The following RHEB variants were observed in gnomAD, a reference collection of about 807,000 sequenced individuals.
The protein encoded by RHEB is Ras homolog, mTORC1 binding.
RHEB carries 2 observed loss-of-function variants against 28.8 expected under a neutral mutation model. The ratio of observed to expected loss-of-function variants is 0.07; its 90% CI spans 0.03 to 0.22. The LOEUF (loss-of-function observed/expected upper bound fraction) is 0.22, where lower values mean the gene tolerates loss of function less well. Among genes scored for constraint, RHEB ranks in the 10% least tolerant of loss-of-function variants. RHEB has a pLI of 1.00. For missense variants in RHEB, 76 were observed against 219.9 expected (o/e 0.35, Z 4.14); for synonymous variants, 69 against 77.3 (o/e 0.89, Z 0.56).
intron 1 of RHEB, among the ~76,000 whole-genome samples, chr7:151,493,614 T>C (rs900297016): frequency 6.6e-6 from 1 of 152,222 alleles, no homozygotes; most frequent in African/African-American, 2.4e-5. Flanking sequence ...AAGATCTCAA[T>C]TTTATACAAA....
chr7:151,473,084 G>C (rs1307826430), intron 4 of RHEB, among the ~76,000 whole-genome samples: 1 of 152,252 alleles, frequency 6.6e-6, no homozygotes, highest in Non-Finnish European at 1.5e-5. Context: ...TGGCCACACT[G>C]TGTGTCATCT....
intron 7 of RHEB, among the ~76,000 whole-genome samples, chr7:151,467,729 C>T (rs1802091539): frequency 1.3e-5 from 2 of 152,150 alleles, no homozygotes; most frequent in African/African-American, 4.8e-5. Flanking sequence ...TCATTTCAAT[C>T]CACAAACTGC....
At chr7:151,494,393 G>T (rs1397100311) in intron 1 of RHEB, among the ~76,000 whole-genome samples, 1 of 152,188 alleles carries the variant, frequency 6.6e-6, no homozygotes, top group African/African-American at 2.4e-5. Context: ...AGCCACATTT[G>T]AACAGAAAAG....
chr7:151,492,032 C>T (rs1048590794), intron 1 of RHEB, among the ~76,000 whole-genome samples: 3 of 152,168 alleles, frequency 2.0e-5, no homozygotes, highest in African/African-American at 4.8e-5. Flanking sequence ...ATGACTTTAT[C>T]ACCAGGAATG....
intron 1 of RHEB, chr7:151,498,208 G>A (rs1488362414): frequency 8.2e-7 from 1 of 1,213,364 alleles, no homozygotes; most frequent in East Asian, 5.7e-5. Flanking sequence ...GGTAAATAGA[G>A]TTTAAAGTAC....
chr7:151,502,620 T>C, intron 1 of RHEB: 1 of 1,556,970 alleles, frequency 6.4e-7, no homozygotes, highest in Non-Finnish European at 8.9e-7. Flanking sequence ...ACAGCAAGTT[T>C]GGATTCATTG....
chr7:151,515,985 A>C lies in RHEB; in HGVS notation c.52+3475T>G, dbSNP rs551097657. Among the ~76,000 whole-genome samples, 3 of 152,342 alleles carry C rather than the reference A, an allele frequency of 2.0e-5. No individual in the cohort carries two copies. In the South Asian group the frequency reaches 6.2e-4, roughly 32 times the overall value. ...ACTAGGTTACCAAAGCTCTCTGTAC[A>C]GGTAAAATCCCAGTGAAAGATGTAC... On this transcript the variant is annotated intron_variant, in intron 1 of 7. Coordinates refer to ENST00000262187, the MANE Select transcript of RHEB (RefSeq NM_005614.4).
Position 151,467,663 on chromosome 7 carries a change from G to A in RHEB, c.463-452C>T, listed in dbSNP as rs1312158033. ...GCCTGAAGTGGGGAAGGCACCCTCC[G>A]TGCTCCTGAGATGCCACGATGCCAG... On this transcript the variant is annotated intron_variant, in intron 7 of 7. Transcript: ENST00000262187. 1.8e-4 allele frequency among the ~76,000 whole-genome samples: 27 copies of A among 152,150 alleles called. 1 individual carries two copies. Among genetic ancestry groups the A allele is most frequent in the Admixed American group, 1.5e-3 (23 of 15,282 alleles).
Position 151,472,548 on chromosome 7 carries a change from T to C in RHEB, c.276-943A>G, listed in dbSNP as rs1003180419. Among the ~76,000 whole-genome samples, 11 of 152,202 alleles carry C rather than the reference T, an allele frequency of 7.2e-5. No homozygotes were observed. The South Asian group carries it at 2.1e-3, about 29-fold the overall frequency. ...GTGAGCCACCACACCCAGCCTCAAA[T>C]GTCACTTCTTACACCTCTTCTGTTT... is the stretch of plus-strand genomic sequence containing the variant. On this transcript the variant is annotated intron_variant, in intron 4 of 7. Transcript: ENST00000262187. This position sits in a 1 kb window ranked among gnomAD's most constrained non-coding sequence, Gnocchi z 5.2.
chr7:151,518,110 C>A (rs1803114387), intron 1 of RHEB: 2 of 152,218 alleles, frequency 1.3e-5, no homozygotes, highest in Non-Finnish European at 2.9e-5. Flanking sequence ...GTTAAAGCTG[C>A]CACCTATGCA....
At chr7:151,492,819 A>G (rs1026282365) in intron 1 of RHEB, among the ~76,000 whole-genome samples, 1 of 150,662 alleles carries the variant, frequency 6.6e-6, no homozygotes, top group African/African-American at 2.4e-5. Context: ...CCTCATTGCA[A>G]TTAGAATAAA....
rs1254015724 is a variant in RHEB at position 151,467,143 on chromosome 7, G to T, written c.531C>A (p.Gly177=). 6.2e-7 allele frequency: 1 copy of T among 1,613,320 alleles called. No homozygotes were observed. Among genetic ancestry groups the T allele is most frequent in the East Asian group, 2.2e-5 (1 of 44,880 alleles). Residue 177 remains glycine, a synonymous_variant, in exon 8 of 8, where the codon GGC becomes GGA. Transcript: ENST00000262187. ...AEKMDGAASQ[G]KSSCSVM ...ATCACATCACCGAGCATGAAGACTT[G>T]CCTTGTGAAGCTGCCCCGTCCATTT...
intron 1 of RHEB, chr7:151,517,871 A>G (rs933071585): frequency 4.6e-5 from 7 of 152,202 alleles, no homozygotes; most frequent in Non-Finnish European, 1.5e-5. Flanking sequence ...ATTTCCAAAT[A>G]GTTGCCAATA....
intron 1 of RHEB, among the ~76,000 whole-genome samples, chr7:151,514,585 A>G (rs1292437282): frequency 6.6e-6 from 1 of 152,236 alleles, no homozygotes; most frequent in Non-Finnish European, 1.5e-5. Flanking sequence ...AAAATTGTGC[A>G]GCTGTTCTGG....
intron 4 of RHEB, among the ~76,000 whole-genome samples, chr7:151,477,014 T>A (rs1008557307): frequency 1.3e-5 from 2 of 152,216 alleles, no homozygotes; most frequent in African/African-American, 4.8e-5. Flanking sequence ...TTCACCTTAA[T>A]ATGGTAAAAA....
At chr7:151,503,847 T>C (rs544822066) in intron 1 of RHEB, among the ~76,000 whole-genome samples, 1 of 152,314 alleles carries the variant, frequency 6.6e-6, no homozygotes, top group African/African-American at 2.4e-5. Context: ...TTAATAGAAG[T>C]GAGATCATAC....
rs112850399 is a variant in RHEB, at chr7:151,479,512, C to A, written c.193-2097G>T. Among the ~76,000 whole-genome samples, 681 of 152,114 alleles carry A rather than the reference C, an allele frequency of 4.5e-3. 6 individuals carry two copies. The highest frequency in any genetic ancestry group is 0.016 in the African/African-American group (651 of 41,510). On this transcript the variant is annotated intron_variant, in intron 3 of 7. Coordinates refer to ENST00000262187, the MANE Select transcript of RHEB (RefSeq NM_005614.4). Reference sequence around the variant, plus strand: ...CCTGGCTAACACAGTGAAACCCCGTCTCCACTCAAAATACAAAAAAACTAG... The same window carrying A: ...CCTGGCTAACACAGTGAAACCCCGTATCCACTCAAAATACAAAAAAACTAG...
chr7:151,508,277 T>A (rs1802922984), intron 1 of RHEB, among the ~76,000 whole-genome samples: 2 of 152,206 alleles, frequency 1.3e-5, no homozygotes, highest in African/African-American at 4.8e-5. Context: ...AGTATACTCA[T>A]CCGTCAGCCT....
chr7:151,469,680 C>G (rs1802125573), intron 7 of RHEB, among the ~76,000 whole-genome samples: 1 of 152,060 alleles, frequency 6.6e-6, no homozygotes, highest in African/African-American at 2.4e-5. Context: ...CTATTTTAAA[C>G]CGGAGGGGAG....
Sources: gnomAD v4.1 joint callset for allele counts (sites outside exome capture counted in the v4.1 genomes callset) on GRCh38, gnomAD v4.1.1 for gene constraint, Gnocchi (gnomAD v3.1) non-coding constraint, MANE v1.5 for transcripts, NCBI Gene and HGNC (gene_info 2026-07-23, HGNC 2026-07-21) for gene names.